The following FOXP1 variants were observed in gnomAD, a reference collection of about 807,000 sequenced individuals.
FOXP1 encodes the protein forkhead box P1, also known as forkhead box protein P1.
In FOXP1, 15 loss-of-function variants were observed where a neutral mutation model predicts 98.2. That is an observed-to-expected ratio of 0.15 (90% CI 0.10 to 0.24). The LOEUF is 0.24. FOXP1 is among the 10% of genes least tolerant of loss of function. The probability of loss-of-function intolerance (pLI) is 1.00; values close to 1 mark genes in which losing one functional copy is unlikely to be tolerated. For synonymous variants in FOXP1, 371 were observed against 314.5 expected (o/e 1.18, Z -1.90); for missense variants, 633 against 848.5 (o/e 0.75, Z 3.15).
At chr3:71,312,038 G>A (rs1178832615) in intron 4 of FOXP1, among the ~76,000 whole-genome samples, 1 of 152,108 alleles carries the variant, frequency 6.6e-6, no homozygotes, top group African/African-American at 2.4e-5. Flanking sequence ...CTCCCTCTTG[G>A]CTCCTTCACT....
chr3:71,308,430 ATGT>A (rs978300152), intron 4 of FOXP1, among the ~76,000 whole-genome samples: 3 of 152,318 alleles, frequency 2.0e-5, no homozygotes, highest in African/African-American at 7.2e-5. Flanking sequence ...TCTTCTTATA[ATGT>A]TGTAAGATAG....
chr3:70,960,774 AT>A (rs1414042247), intron 20 of FOXP1, among the ~76,000 whole-genome samples: 1 of 152,088 alleles, frequency 6.6e-6, no homozygotes, highest in Admixed American at 6.6e-5. Context: ...TTCAGAATCA[AT>A]TGACTCTAAA....
chr3:71,176,154 T>C (rs988936809), intron 6 of FOXP1, among the ~76,000 whole-genome samples: 1 of 152,170 alleles, frequency 6.6e-6, no homozygotes, highest in Non-Finnish European at 1.5e-5. Context: ...TGTTACATAA[T>C]CCTAAGAAAA....
chr3:71,434,146 G>A (rs1351510298), intron 3 of FOXP1, among the ~76,000 whole-genome samples: 1 of 152,200 alleles, frequency 6.6e-6, no homozygotes, highest in Admixed American at 6.5e-5. Context: ...GACTTTTAAG[G>A]AGTTTACAGA....
At position 71,014,990 on chromosome 3, in the gene FOXP1, G is replaced by A. The variant is rs1576168908; in HGVS notation, c.974+559C>T. Among the ~76,000 whole-genome samples, 4 of 151,512 alleles carry A rather than the reference G, an allele frequency of 2.6e-5. No homozygotes were observed. In the South Asian group the frequency reaches 8.4e-4, roughly 32 times the overall value. ...GGAACATCACACATCAGGGCCTGTC[G>A]TGGGGTGGGGGGAGAGGGGAGGGGA... On this transcript the variant is annotated intron_variant, in intron 12 of 20. Transcript: ENST00000649528.
At chr3:71,288,705 T>C (rs12495693) in intron 5 of FOXP1, among the ~76,000 whole-genome samples, 36,198 of 152,076 alleles carry the variant, frequency 0.24, 4,578 homozygotes, top group Middle Eastern at 0.31. Context: ...CCTTTTTCAC[T>C]GCTCACAGGT....
At chr3:71,179,831 T>C (rs895396355) in intron 6 of FOXP1, among the ~76,000 whole-genome samples, 16 of 152,262 alleles carry the variant, frequency 1.1e-4, no homozygotes, top group African/African-American at 3.6e-4. Context: ...CTTTCTTAGT[T>C]GCATCTTCTA....
rs571983688 is a variant in FOXP1 at position 71,390,537 on chromosome 3, C to G, written c.-167-31293G>C. Reference sequence around the variant, plus strand: ...AAAGGTCCTGCAAGTTACAGTTGTGCCTCATGGATGGGCGTCAGTAAGGAT... The same window carrying G: ...AAAGGTCCTGCAAGTTACAGTTGTGGCTCATGGATGGGCGTCAGTAAGGAT... On this transcript the variant is annotated intron_variant, in intron 3 of 20. Coordinates refer to ENST00000649528, the MANE Select transcript of FOXP1 (RefSeq NM_001349338.3). Among the ~76,000 whole-genome samples the G allele has an allele frequency of 1.3e-4, 20 of 149,578 alleles. No individual in the cohort carries two copies. The East Asian group carries it at 2.0e-3, about 15-fold the overall frequency.
intron 5 of FOXP1, among the ~76,000 whole-genome samples, chr3:71,201,755 T>A (rs1368152295): frequency 6.6e-6 from 1 of 152,130 alleles, no homozygotes; most frequent in Admixed American, 6.5e-5. Flanking sequence ...TCGGGATATA[T>A]CTCAAATATA....
intron 4 of FOXP1, among the ~76,000 whole-genome samples, chr3:71,329,360 T>C (rs2076148356): frequency 1.3e-5 from 2 of 152,162 alleles, no homozygotes; most frequent in Admixed American, 1.3e-4. Context: ...TAGCTGGGAC[T>C]ACAGGCACCC....
intron 11 of FOXP1, among the ~76,000 whole-genome samples, chr3:71,036,875 C>A (rs1400201861): frequency 6.6e-6 from 1 of 152,176 alleles, no homozygotes; most frequent in South Asian, 2.1e-4. Context: ...CGTGTTTTGT[C>A]AAATTGAATT....
At chr3:71,288,911 C>G (rs115958367) in intron 5 of FOXP1, among the ~76,000 whole-genome samples, 3,963 of 152,284 alleles carry the variant, frequency 0.026, 120 homozygotes, top group Middle Eastern at 0.037. Context: ...ACAACTAACT[C>G]TTACTAAGGT....
chr3:71,177,838 TTC>T (rs1161457053), intron 6 of FOXP1, among the ~76,000 whole-genome samples: 2 of 121,960 alleles, frequency 1.6e-5, no homozygotes, highest in African/African-American at 7.5e-5. Flanking sequence ...TTTTCTTTCT[TTC>T]TTTTTTTTTT....
Position 71,429,502 on chromosome 3 carries a change from G to A in FOXP1, c.-168+63924C>T, listed in dbSNP as rs182846012. ...TGGGGGTGGGGGGGCGGGAGGGGGGGTACTGAAACGTCCCTGTCCATCTGT... is the reference window on the plus strand; with the variant it reads ...TGGGGGTGGGGGGGCGGGAGGGGGGATACTGAAACGTCCCTGTCCATCTGT... On this transcript the variant is annotated intron_variant, in intron 3 of 20. Transcript: ENST00000649528. Among the ~76,000 whole-genome samples the A allele has an allele frequency of 2.5e-3, 325 of 129,170 alleles. 1 individual carries two copies. Among genetic ancestry groups the A allele is most frequent in the African/African-American group, 8.9e-3 (317 of 35,570 alleles). The allele number at this position is 129,170 out of a possible 152,430, so 84.7% of individuals were successfully genotyped here.
chr3:70,987,034 C>T (rs1260769575), intron 14 of FOXP1, among the ~76,000 whole-genome samples: 1 of 152,184 alleles, frequency 6.6e-6, no homozygotes, highest in Non-Finnish European at 1.5e-5. Context: ...TGCATCATTG[C>T]ATATTGATTA....
chr3:71,519,752 G>A (rs528132454), intron 2 of FOXP1, among the ~76,000 whole-genome samples: 27 of 152,370 alleles, frequency 1.8e-4, no homozygotes, highest in Admixed American at 2.0e-4. Flanking sequence ...ATATTGTGGT[G>A]TAAGTACTTT....
chr3:71,556,118 T>C (rs2046110168), intron 2 of FOXP1, among the ~76,000 whole-genome samples: 1 of 152,036 alleles, frequency 6.6e-6, no homozygotes, highest in African/African-American at 2.4e-5. Flanking sequence ...GTCTATAACG[T>C]AAAAAGACTT....
At chr3:71,266,430 A>G (rs1276442191) in intron 5 of FOXP1, among the ~76,000 whole-genome samples, 2 of 151,760 alleles carry the variant, frequency 1.3e-5, no homozygotes, top group Non-Finnish European at 2.9e-5. Context: ...TTGTATTTTT[A>G]GTAGAGACAG....
intron 6 of FOXP1, among the ~76,000 whole-genome samples, chr3:71,124,101 G>A (rs555229659): frequency 6.6e-6 from 1 of 150,590 alleles, no homozygotes; most frequent in Non-Finnish European, 1.5e-5. Context: ...ATCTGCACAT[G>A]TACCCATGAA....
Sources: gnomAD v4.1 joint callset for allele counts (sites outside exome capture counted in the v4.1 genomes callset) on GRCh38, gnomAD v4.1.1 for gene constraint, MANE v1.5 for transcripts, NCBI Gene and HGNC (gene_info 2026-07-23, HGNC 2026-07-21) for gene names.